The following SOX5 variants were observed in gnomAD, a reference collection of about 807,000 sequenced individuals.
SOX5 encodes the protein SRY-box transcription factor 5.
SOX5 carries 9 observed loss-of-function variants against 92.0 expected under a neutral mutation model. The ratio of observed to expected loss-of-function variants is 0.10; its 90% CI spans 0.06 to 0.17. The LOEUF is 0.17. Ranked by LOEUF, SOX5 falls within the 10% of genes least tolerant of loss-of-function variation. The probability of loss-of-function intolerance (pLI) is 1.00; values close to 1 mark genes in which losing one functional copy is unlikely to be tolerated. For missense variants in SOX5, 642 were observed against 944.5 expected, an observed-to-expected ratio of 0.68 and a Z score of 4.20; for synonymous variants, 344 against 336.3, an observed-to-expected ratio of 1.02 and a Z score of -0.25.
chr12:24,507,316 A>C lies in SOX5; in HGVS notation c.-251+55013T>G, dbSNP rs150844066. ...AGTAGATAATTAGGTAGGTAGATGG[A>C]TGGATAGACTATGGAACCTGAATTT... On this transcript the variant is annotated intron_variant, in intron 1 of 4. Coordinates refer to the SOX5 transcript ENST00000446891. 6.6e-5 allele frequency among the ~76,000 whole-genome samples: 10 copies of C among 151,984 alleles called. No homozygotes were observed. The East Asian group carries it at 1.7e-3, about 27-fold the overall frequency.
In SOX5 at chr12:24,113,986, T is replaced by C. The variant is rs1947677992; in HGVS notation, c.-2+99357A>G. On this transcript the variant is annotated intron_variant, in intron 4 of 4. Transcript: ENST00000446891. ...CTCACAAAAAAATGTGAGAGTTTTG[T>C]TAATGAAATTGGCAGTCCTCCAATA... is the stretch of plus-strand genomic sequence containing the variant. Among the ~76,000 whole-genome samples the C allele has an allele frequency of 1.3e-5, 2 of 152,204 alleles. 1 individual carries two copies. The highest frequency in any genetic ancestry group is 2.9e-5 in the Non-Finnish European group (2 of 68,036).
intron 5 of SOX5, 95 bp downstream of exon 5, chr12:23,740,772 C>G: frequency 9.6e-7 from 1 of 1,037,318 alleles, no homozygotes; most frequent in Non-Finnish European, 1.3e-6. Context: ...GTGGAAGGGA[C>G]TCTTATTCAT....
intron 8 of SOX5, among the ~76,000 whole-genome samples, chr12:23,634,207 T>C (rs1040996980): frequency 2.6e-5 from 4 of 152,122 alleles, no homozygotes; most frequent in Admixed American, 2.6e-4. Context: ...CTGAGATACA[T>C]TATTGAACAA....
chr12:23,840,516 G>A (rs1284020663), intron 3 of SOX5, among the ~76,000 whole-genome samples: 1 of 152,062 alleles, frequency 6.6e-6, no homozygotes, highest in Non-Finnish European at 1.5e-5. Context: ...ACAGACCCAG[G>A]ACACCAACAC....
At chr12:24,148,244 C>A (rs1369984388) in intron 4 of SOX5, among the ~76,000 whole-genome samples, 1 of 152,014 alleles carries the variant, frequency 6.6e-6, no homozygotes, top group Non-Finnish European at 1.5e-5. Context: ...CGCCTGTAAT[C>A]CCAGCACTTT....
intron 4 of SOX5, among the ~76,000 whole-genome samples, chr12:24,056,896 A>C (rs1233013321): frequency 2.2e-5 from 3 of 137,708 alleles, no homozygotes; most frequent in South Asian, 2.5e-4. Context: ...AATGGCGTGA[A>C]CCCGGGAGGC....
intron 4 of SOX5, among the ~76,000 whole-genome samples, chr12:24,156,643 T>A (rs558778305): frequency 6.6e-6 from 1 of 152,268 alleles, no homozygotes; most frequent in Non-Finnish European, 1.5e-5. Context: ...ATAATACAAT[T>A]AATTTATGTA....
intron 3 of SOX5, among the ~76,000 whole-genome samples, chr12:24,246,231 T>C (rs1309674610): frequency 6.6e-5 from 10 of 152,166 alleles, no homozygotes; most frequent in Admixed American, 6.5e-4. Flanking sequence ...CTTGCTTCAG[T>C]TTTTTGCCTA....
rs139127775 is a variant in SOX5 at position 23,967,495 on chromosome 12, G to A, written c.-1-71471C>T. Among the ~76,000 whole-genome samples, 649 of 152,050 alleles carry A rather than the reference G, an allele frequency of 4.3e-3. 4 individuals are homozygous for A. The highest frequency in any genetic ancestry group is 0.014 in the African/African-American group (598 of 41,500). ...ATAATGCAATATACAGTAGAAATAA[G>A]ATAGATATAAAATCTATAAATTATA... On this transcript the variant is annotated intron_variant, in intron 4 of 4. Coordinates refer to the SOX5 transcript ENST00000446891.
At chr12:23,806,645 T>C (rs1011471975) in intron 3 of SOX5, among the ~76,000 whole-genome samples, 1 of 131,258 alleles carries the variant, frequency 7.6e-6, no homozygotes, top group Non-Finnish European at 1.6e-5. Context: ...CATCACAGAA[T>C]AGTGGAGTGG....
At chr12:23,763,408 C>A (rs139436036) in intron 3 of SOX5, among the ~76,000 whole-genome samples, 1 of 151,982 alleles carries the variant, frequency 6.6e-6, no homozygotes, top group Non-Finnish European at 1.5e-5. Context: ...TGAAAACTAC[C>A]CCAAAATCAA....
intron 3 of SOX5, among the ~76,000 whole-genome samples, chr12:23,814,011 TA>T (rs1252908053): frequency 2.0e-5 from 3 of 152,264 alleles, no homozygotes; most frequent in African/African-American, 7.2e-5. Flanking sequence ...AAGAAAAATC[TA>T]AATGAGAATT....
At chr12:24,327,764 G>A (rs535335539) in intron 2 of SOX5, among the ~76,000 whole-genome samples, 3 of 151,714 alleles carry the variant, frequency 2.0e-5, no homozygotes, top group African/African-American at 7.3e-5. Flanking sequence ...TTTTATGTGT[G>A]TGTGTTTTTA....
At chr12:23,641,180 TTGA>T (rs1277467281) in intron 7 of SOX5, among the ~76,000 whole-genome samples, 2 of 152,048 alleles carry the variant, frequency 1.3e-5, no homozygotes, top group East Asian at 1.9e-4. Flanking sequence ...AGGGCTGCAC[TTGA>T]TAACACACAC....
intron 4 of SOX5, among the ~76,000 whole-genome samples, chr12:24,048,568 G>A (rs1957262578): frequency 6.6e-6 from 1 of 152,002 alleles, no homozygotes; most frequent in South Asian, 2.1e-4. Context: ...TTTATAATGT[G>A]AATTCATACT....
At chr12:23,819,357 A>T (rs953482898) in intron 3 of SOX5, among the ~76,000 whole-genome samples, 2 of 152,180 alleles carry the variant, frequency 1.3e-5, no homozygotes, top group Admixed American at 1.3e-4. Context: ...TTGTGTAAAA[A>T]CTTGTTCTAG....
chr12:23,751,612 T>C (rs1384981674), intron 4 of SOX5, among the ~76,000 whole-genome samples: 1 of 151,880 alleles, frequency 6.6e-6, no homozygotes, highest in Non-Finnish European at 1.5e-5. Context: ...GATTATCTAC[T>C]TTCATCCACA....
rs1279731737 is a variant in SOX5, at chr12:24,365,525, T to C, written c.-174+3038A>G. 2.6e-5 allele frequency among the ~76,000 whole-genome samples: 4 copies of C among 151,726 alleles called. No individual in the cohort carries two copies. In the East Asian group the frequency reaches 5.8e-4, roughly 22 times the overall value. On this transcript the variant is annotated intron_variant, in intron 2 of 4. Transcript: ENST00000446891. ...ATACCTTCTATCAATTCTGTCTAAA[T>C]TACTCAATTAAAAATAATTATTAAG...
chr12:23,620,937 C>G (rs2077099457), intron 8 of SOX5, among the ~76,000 whole-genome samples: 1 of 152,074 alleles, frequency 6.6e-6, no homozygotes, highest in South Asian at 2.1e-4. Flanking sequence ...ATAATTATCT[C>G]TGCTTTCATG....
Sources: allele counts gnomAD v4.1 joint callset (sites outside exome capture counted in the v4.1 genomes callset), GRCh38; gene constraint gnomAD v4.1.1; transcripts MANE v1.5; gene names NCBI Gene and HGNC (gene_info 2026-07-23, HGNC 2026-07-21).